Variants in ITK observed in about 807,000 individuals in gnomAD.
The protein encoded by ITK is tyrosine-protein kinase ITK/TSK.
A neutral mutation model predicts 87.6 loss-of-function variants in ITK; 45 were observed. That is an observed-to-expected ratio of 0.51 (90% CI 0.40 to 0.66). The LOEUF (loss-of-function observed/expected upper bound fraction) is 0.66. Among genes scored for constraint, ITK ranks in the 30% least tolerant of loss-of-function variants. The pLI is 0.00. For missense variants in ITK, 605 were observed against 766.3 expected, an observed-to-expected ratio of 0.79 and a Z score of 2.48; for synonymous variants, 303 against 273.6, an observed-to-expected ratio of 1.11 and a Z score of -1.06.
chr5:157,185,491 C>T lies in ITK; in HGVS notation c.138+4376C>T, dbSNP rs569257405. 2.8e-4 allele frequency among the ~76,000 whole-genome samples: 43 copies of T among 152,170 alleles called. No individual in the cohort carries two copies. In the South Asian group the frequency reaches 8.3e-3, roughly 29 times the overall value. On this transcript the variant is annotated intron_variant, in intron 1 of 16. Coordinates refer to ENST00000422843, the MANE Select transcript of ITK (RefSeq NM_005546.4). ...TCCTGACCTCATGGTCTGCCCACCT[C>T]GGCCTCCCAAAGTGCTGGGATTACA...
intron 8 of ITK, among the ~76,000 whole-genome samples, chr5:157,236,199 C>A (rs184735469): frequency 4.2e-4 from 64 of 152,122 alleles, no homozygotes; most frequent in Non-Finnish European, 7.9e-4. Flanking sequence ...CATAGTGAAA[C>A]CTCATCTCTA....
intron 2 of ITK, among the ~76,000 whole-genome samples, chr5:157,210,231 T>A (rs935770263): frequency 2.0e-5 from 3 of 152,130 alleles, no homozygotes; most frequent in Admixed American, 6.5e-5. Flanking sequence ...AAAGTCCTTG[T>A]ATATGAATCT....
chr5:157,183,008 G>T (rs1753568362), intron 1 of ITK, among the ~76,000 whole-genome samples: 1 of 152,034 alleles, frequency 6.6e-6, no homozygotes, highest in African/African-American at 2.4e-5. Context: ...GGAGCCCTAG[G>T]CTACAGTTTC....
intron 6 of ITK, among the ~76,000 whole-genome samples, chr5:157,223,356 T>C (rs749032027): frequency 6.6e-5 from 10 of 152,288 alleles, no homozygotes; most frequent in Middle Eastern, 3.4e-3. Context: ...TTCCTGAGTG[T>C]TAAGTGAGGC....
At chr5:157,207,776 G>T (rs149953377) in intron 1 of ITK, among the ~76,000 whole-genome samples, 1 of 152,070 alleles carries the variant, frequency 6.6e-6, no homozygotes, top group Non-Finnish European at 1.5e-5. Context: ...TAAACCACAC[G>T]TAATTTCCAA....
In ITK at chr5:157,238,256, A is replaced by T. The variant is rs34064633; in HGVS notation, c.851+65A>T. On this transcript the variant is annotated intron_variant, in intron 9 of 16. Coordinates refer to ENST00000422843, the MANE Select transcript of ITK (RefSeq NM_005546.4). ...CTTCTGAAGTGTGTGAGCACTGGGG[A>T]AAAGACAACAAAGTTAGACAGTGCA... The T allele has an allele frequency of 0.023, 27,495 of 1,216,584 alleles. 451 individuals are homozygous for T. Among genetic ancestry groups the T allele is most frequent in the Non-Finnish European group, 0.029 (23,621 of 819,984 alleles). The allele number at this position is 1,216,584 out of a possible 1,614,324, so 75.4% of individuals were successfully genotyped here.
intron 2 of ITK, among the ~76,000 whole-genome samples, chr5:157,210,813 A>T (rs1427310739): frequency 6.6e-6 from 1 of 150,638 alleles, no homozygotes; most frequent in African/African-American, 2.4e-5. Context: ...GTTACGTAAG[A>T]TGTCATCAGT....
chr5:157,232,523 A>T (rs1238474954), intron 8 of ITK, 129 bp downstream of exon 8: 2 of 494,774 alleles, frequency 4.0e-6, no homozygotes, highest in East Asian at 1.2e-4. Context: ...TCAAGGTTAC[A>T]GTGAGCTATC....
chr5:157,204,331 C>A (rs1418546856), intron 1 of ITK, among the ~76,000 whole-genome samples: 1 of 151,992 alleles, frequency 6.6e-6, no homozygotes, highest in East Asian at 1.9e-4. Context: ...GAGGCTGAGG[C>A]GGGCAGATTG....
intron 4 of ITK, among the ~76,000 whole-genome samples, chr5:157,216,351 AT>A (rs1754298178): frequency 6.6e-6 from 1 of 152,146 alleles, no homozygotes; most frequent in African/African-American, 2.4e-5. Context: ...TATGGGGATA[AT>A]GATAATAGAT....
At chr5:157,198,356 T>C (rs1158245206) in intron 1 of ITK, among the ~76,000 whole-genome samples, 4 of 152,206 alleles carry the variant, frequency 2.6e-5, no homozygotes, top group African/African-American at 9.7e-5. Context: ...CTTTTTTCAT[T>C]TGGGTGGCCA....
chr5:157,222,140 A>G (rs1754432410), intron 5 of ITK, among the ~76,000 whole-genome samples: 1 of 152,208 alleles, frequency 6.6e-6, no homozygotes, highest in Admixed American at 6.5e-5. Context: ...CATTCTAGTG[A>G]GGAACTTAAT....
At chr5:157,212,393 G>A (rs1311992665) in intron 3 of ITK, among the ~76,000 whole-genome samples, 1 of 152,188 alleles carries the variant, frequency 6.6e-6, no homozygotes, top group Non-Finnish European at 1.5e-5. Flanking sequence ...AATGAGAATA[G>A]AAATACAAGT....
intron 13 of ITK, 193 bp from the exon 14 acceptor site, chr5:157,245,533 C>G: frequency 1.5e-6 from 1 of 655,694 alleles, no homozygotes; most frequent in Non-Finnish European, 2.8e-6. Context: ...GATAGTGGAT[C>G]TTACACATTC....
At position 157,243,623 on chromosome 5, in the gene ITK, G is replaced by A; in HGVS notation, c.1061G>A (p.Gly354Glu). The A allele has an allele frequency of 6.2e-7, 1 of 1,612,110 alleles. No individual in the cohort carries two copies. Among genetic ancestry groups the A allele is most frequent in the Non-Finnish European group, 8.5e-7 (1 of 1,179,864 alleles). Residue 354 changes from glycine to glutamate, a missense_variant and splice_region_variant, in exon 12 of 17, where the codon GGG (glycine) becomes GAG (glutamate). Transcript: ENST00000422843. ...KAPVTAGLRY[G>E]KWVIDPSELT... is the part of the protein sequence containing the mutation. ...AGAGAACTCTCTCTCTCTCTTCCAGGGAAATGGGTGATCGACCCCTCAGAG... is the reference window on the plus strand; with the variant it reads ...AGAGAACTCTCTCTCTCTCTTCCAGAGAAATGGGTGATCGACCCCTCAGAG...
At chr5:157,189,628 C>T (rs190534452) in intron 1 of ITK, among the ~76,000 whole-genome samples, 1 of 152,270 alleles carries the variant, frequency 6.6e-6, no homozygotes, top group Admixed American at 6.5e-5. Context: ...TTGCAGTAGG[C>T]TGAGATCGCA....
intron 1 of ITK, among the ~76,000 whole-genome samples, chr5:157,200,106 A>AAGGAC (rs1047952419): frequency 3.3e-5 from 5 of 151,744 alleles, no homozygotes; most frequent in African/African-American, 9.7e-5. Context: ...GAAGAAAGGA[A>AAGGAC]AGGGGAAAAG....
At chr5:157,200,527 C>A (rs190341261) in intron 1 of ITK, among the ~76,000 whole-genome samples, 4 of 152,254 alleles carry the variant, frequency 2.6e-5, no homozygotes, top group East Asian at 1.9e-4. Context: ...CCAGCCACCC[C>A]CCGGGGACCA....
chr5:157,247,806 C>G (rs1755053816), intron 15 of ITK, among the ~76,000 whole-genome samples: 1 of 152,240 alleles, frequency 6.6e-6, no homozygotes, highest in Non-Finnish European at 1.5e-5. Flanking sequence ...CCCTAATTAG[C>G]AGTGTGCTAT....
Sources: allele counts gnomAD v4.1 joint callset (sites outside exome capture counted in the v4.1 genomes callset), GRCh38; gene constraint gnomAD v4.1.1; transcripts MANE v1.5; gene names NCBI Gene and HGNC (gene_info 2026-07-23, HGNC 2026-07-21).